Variants in SPAG9 observed in about 807,000 individuals in gnomAD.
The protein encoded by SPAG9 is sperm associated antigen 9, also known as C-Jun-amino-terminal kinase-interacting protein 4.
Under a neutral mutation model 166.5 loss-of-function variants are expected in SPAG9, and 35 were observed. That is an observed-to-expected ratio of 0.21 (90% confidence interval 0.16 to 0.28). The LOEUF (loss-of-function observed/expected upper bound fraction) is 0.28, where lower values mean the gene tolerates loss of function less well. Ranked by LOEUF, SPAG9 falls within the 10% of genes least tolerant of loss-of-function variation. SPAG9 has a pLI of 1.00. For missense variants in SPAG9, 1,235 were observed against 1,603.3 expected, an observed-to-expected ratio of 0.77 and a Z score of 3.92; for synonymous variants, 534 against 565.5, an observed-to-expected ratio of 0.94 and a Z score of 0.79.
At chr17:50,978,659 A>T (rs558251289) in intron 26 of SPAG9, among the ~76,000 whole-genome samples, 1 of 152,342 alleles carries the variant, frequency 6.6e-6, no homozygotes, top group East Asian at 1.9e-4. Context: ...TGATTATGAC[A>T]GTTAGGCTAT....
chr17:51,031,215 G>A (rs1344945359), intron 6 of SPAG9: 1 of 171,750 alleles, frequency 5.8e-6, no homozygotes, highest in East Asian at 1.6e-4. Context: ...CACCTGGCCT[G>A]TAGTAGGCTC....
intron 2 of SPAG9, among the ~76,000 whole-genome samples, chr17:51,065,666 C>CA (rs755773094): frequency 2.6e-5 from 4 of 152,174 alleles, no homozygotes; most frequent in Admixed American, 6.5e-5. Flanking sequence ...AGATGTTAAC[C>CA]AAAACAGTTT....
In SPAG9 at chr17:50,993,746, C is replaced by T. The variant is rs763959967; in HGVS notation, c.2398+18G>A. 2.9e-5 allele frequency: 47 copies of T among 1,611,592 alleles called. No individual in the cohort carries two copies. Among genetic ancestry groups the T allele is most frequent in the Admixed American group, 1.2e-4 (7 of 59,922 alleles). On this transcript the variant is annotated intron_variant, in intron 19 of 29. Coordinates refer to ENST00000262013, the MANE Select transcript of SPAG9 (RefSeq NM_001130528.3). ...GTGGATGGAGGGGAGGGCAGAGAAACGCATGACTCACTCTTACCTGGCACA... is the reference window on the plus strand; with the variant it reads ...GTGGATGGAGGGGAGGGCAGAGAAATGCATGACTCACTCTTACCTGGCACA...
At chr17:50,981,541 G>T (rs112780395) in intron 25 of SPAG9, among the ~76,000 whole-genome samples, 1,696 of 151,814 alleles carry the variant, frequency 0.011, 30 homozygotes, top group African/African-American at 0.038. Context: ...AAGAAAGAAA[G>T]AAAGAATAGA....
intron 1 of SPAG9, among the ~76,000 whole-genome samples, chr17:51,082,391 A>AAC (rs1338391431): frequency 2.6e-4 from 40 of 151,266 alleles, no homozygotes; most frequent in African/African-American, 9.4e-4. Context: ...AAAAAAAAAA[A>AAC]AAAAAAAAAA....
intron 8 of SPAG9, among the ~76,000 whole-genome samples, chr17:51,018,122 T>A (rs2045778972): frequency 6.6e-6 from 1 of 152,028 alleles, no homozygotes; most frequent in Non-Finnish European, 1.5e-5. Context: ...GGCAGGCGGA[T>A]CACTGGTGCT....
chr17:51,015,557 A>G (rs2045662532), intron 8 of SPAG9, among the ~76,000 whole-genome samples: 1 of 152,186 alleles, frequency 6.6e-6, no homozygotes, highest in Admixed American at 6.5e-5. Flanking sequence ...GGCCCAAAAC[A>G]AAGAGGATGT....
chr17:51,104,743 C>A (rs1276097910), intron 1 of SPAG9, among the ~76,000 whole-genome samples: 2 of 151,796 alleles, frequency 1.3e-5, no homozygotes, highest in African/African-American at 4.8e-5. Flanking sequence ...ACCATCCTGG[C>A]TAACACGGTG....
Position 51,021,242 on chromosome 17 carries a change from T to C in SPAG9, c.907A>G (p.Lys303Glu), listed in dbSNP as rs2045925964. 1 of 1,614,020 alleles carries C rather than the reference T, an allele frequency of 6.2e-7. No homozygotes were observed. Among genetic ancestry groups the C allele is most frequent in the Non-Finnish European group, 8.5e-7 (1 of 1,180,016 alleles). ...GATTTATTTGGCGCATCTGTAACCT[T>C]CACAAATCCTTCGTTTTCTTCCTTT... Reference protein sequence around the residue: ...PLKEENEGFVKVTDAPNKSEI... With the variant: ...PLKEENEGFVEVTDAPNKSEI... The change falls in exon 7 of 30, where the codon AAG becomes GAG. Residue 303 changes from lysine (K) to glutamate (E), a missense_variant. Physicochemically the swap from Lys to Glu is moderately conservative, Grantham distance 56 (BLOSUM62 1). Around this residue, in one of 6 missense-constraint regions of SPAG9, gnomAD observed 288 missense variants for 323.7 expected, o/e 0.89. Transcript: ENST00000262013.
intron 9 of SPAG9, among the ~76,000 whole-genome samples, chr17:51,008,775 T>C (rs2045333693): frequency 6.6e-6 from 1 of 152,048 alleles, no homozygotes; most frequent in Non-Finnish European, 1.5e-5. Flanking sequence ...AAAATAAAAG[T>C]CCCAAAAAAG....
In SPAG9 at chr17:51,049,502, C is replaced by G. The variant is rs373724430; in HGVS notation, c.496-2033G>C. Reference sequence around the variant, plus strand: ...ACCAACCTGAGCAACACAGGGAGACCCTGTCTCTACAAAAAAATTTTTAAA... The same window carrying G: ...ACCAACCTGAGCAACACAGGGAGACGCTGTCTCTACAAAAAAATTTTTAAA... On this transcript the variant is annotated intron_variant, in intron 3 of 29. Coordinates refer to ENST00000262013, the MANE Select transcript of SPAG9 (RefSeq NM_001130528.3). Among the ~76,000 whole-genome samples the G allele has an allele frequency of 1.4e-4, 22 of 152,144 alleles. 2 individuals carry two copies. In the South Asian group the frequency reaches 2.9e-3, roughly 20 times the overall value.
intron 2 of SPAG9, among the ~76,000 whole-genome samples, chr17:51,077,029 T>TAGCTAGCTATCTAGCTAG (rs2048008868): frequency 1.5e-5 from 1 of 65,344 alleles, no homozygotes; most frequent in East Asian, 4.3e-4. Flanking sequence ...TATCTAGCTA[T>TAGCTAGCTATCTAGCTAG]CTATCTAGCT....
At chr17:51,119,289 T>C (rs2049399981) in intron 1 of SPAG9, among the ~76,000 whole-genome samples, 1 of 152,208 alleles carries the variant, frequency 6.6e-6, no homozygotes, top group South Asian at 2.1e-4. Context: ...TGAAAAATAC[T>C]ATGTCATTCC....
At chr17:51,114,063 C>T (rs2049207904) in intron 1 of SPAG9, among the ~76,000 whole-genome samples, 1 of 152,062 alleles carries the variant, frequency 6.6e-6, no homozygotes, top group East Asian at 1.9e-4. Context: ...CGGTGGCTCA[C>T]GCTTGTAATC....
chr17:50,999,415 T>C, intron 14 of SPAG9: 4 of 1,350,224 alleles, frequency 3.0e-6, no homozygotes, highest in Non-Finnish European at 3.9e-6. Flanking sequence ...TTGCAACAAA[T>C]GCACAGTCAA....
At chr17:51,104,412 G>A (rs552456349) in intron 1 of SPAG9, among the ~76,000 whole-genome samples, 7 of 152,198 alleles carry the variant, frequency 4.6e-5, no homozygotes, top group Admixed American at 2.0e-4. Context: ...CAAGGTGGAC[G>A]GATCACCCAA....
intron 26 of SPAG9, 132 bp downstream of exon 26, chr17:50,979,614 T>C: frequency 1.3e-6 from 1 of 789,446 alleles, no homozygotes; most frequent in South Asian, 1.8e-5. Context: ...TAGTGTGCTA[T>C]GACTGCACCT....
At chr17:50,994,994 T>C in intron 18 of SPAG9, 63 bp downstream of exon 18, 2 of 1,357,584 alleles carry the variant, frequency 1.5e-6, no homozygotes, top group Non-Finnish European at 2.0e-6. Context: ...GAGGCAAATT[T>C]TGGATGAAAG....
chr17:51,041,958 C>G (rs2046855157), intron 4 of SPAG9, among the ~76,000 whole-genome samples: 1 of 152,160 alleles, frequency 6.6e-6, no homozygotes, highest in Non-Finnish European at 1.5e-5. Flanking sequence ...TGGAGAAGAG[C>G]TGCTGCTGGG....
Sources: allele counts gnomAD v4.1 joint callset (sites outside exome capture counted in the v4.1 genomes callset), GRCh38; gene constraint gnomAD v4.1.1; regional missense constraint gnomAD v4.1.1; transcripts MANE v1.5; gene names NCBI Gene and HGNC (gene_info 2026-07-23, HGNC 2026-07-21).